The following HERC5 variants were observed in gnomAD, a reference collection of about 807,000 sequenced individuals.
HERC5 encodes HECT and RLD domain containing E3 ubiquitin protein ligase 5, also known as E3 ISG15--protein ligase HERC5.
Under a neutral mutation model 119.6 loss-of-function variants are expected in HERC5, and 99 were observed. The observed-to-expected ratio is 0.83, with a 90% CI of 0.70 to 0.98. HERC5 has a LOEUF of 0.98. Ranked by LOEUF, HERC5 falls within the 50% of genes least tolerant of loss-of-function variation. The pLI is 0.00. For synonymous variants in HERC5, 478 were observed against 445.9 expected, an observed-to-expected ratio of 1.07 and a Z score of -0.91; for missense variants, 1,267 against 1,241.3, an observed-to-expected ratio of 1.02 and a Z score of -0.31.
chr4:88,497,158 G>A (rs1164695156), intron 18 of HERC5, among the ~76,000 whole-genome samples: 1 of 152,158 alleles, frequency 6.6e-6, no homozygotes, highest in East Asian at 1.9e-4. Flanking sequence ...ATGGACTAAG[G>A]GAAATTGCTA....
rs1268334717 is a variant in HERC5, at chr4:88,504,495, A to G, written c.2767A>G (p.Asn923Asp). 2.2e-5 allele frequency: 35 copies of G among 1,574,494 alleles called. No homozygotes were observed. Among genetic ancestry groups the G allele is most frequent in the Non-Finnish European group, 3.0e-5 (35 of 1,159,876 alleles). The change falls in exon 22 of 23, where the codon AAT becomes GAT. Residue 923 changes from asparagine to aspartate, a missense_variant and splice_region_variant. Around this residue, in one of 3 missense-constraint regions of HERC5, gnomAD observed 473 missense variants for 445.7 expected, o/e 1.06. Coordinates refer to ENST00000264350, the MANE Select transcript of HERC5 (RefSeq NM_016323.4). ...TDYDWKTFEK[N>D]ARYEPGYNSS... ...TAACTTTTTTTTGTATTTTCTCTAG[A>G]ATGCACGTTATGAACCAGGATATAA...
At chr4:88,493,955 T>C (rs905880821) in intron 17 of HERC5, among the ~76,000 whole-genome samples, 1 of 144,130 alleles carries the variant, frequency 6.9e-6, no homozygotes, top group Admixed American at 6.8e-5. Flanking sequence ...GCAAAAGTAA[T>C]TGCAGGTTTT....
chr4:88,476,082 T>G, intron 12 of HERC5, 52 bp downstream of exon 12: 1 of 1,445,736 alleles, frequency 6.9e-7, no homozygotes, highest in Non-Finnish European at 9.5e-7. Context: ...TGGAAAGACA[T>G]GTCTAGTAAA....
intron 17 of HERC5, 111 bp downstream of exon 17, chr4:88,493,266 T>C (rs1431844790): frequency 2.3e-6 from 2 of 888,446 alleles, no homozygotes; most frequent in South Asian, 2.1e-5. Context: ...AGTATTGATA[T>C]AATTATGGAG....
chr4:88,483,508 G>T (rs148757029), intron 13 of HERC5, among the ~76,000 whole-genome samples: 1 of 148,270 alleles, frequency 6.7e-6, no homozygotes, highest in Non-Finnish European at 1.5e-5. Flanking sequence ...CCACCACACC[G>T]GCTCTATAGG....
At chr4:88,476,678 T>G (rs1009430187) in intron 12 of HERC5, among the ~76,000 whole-genome samples, 1 of 152,114 alleles carries the variant, frequency 6.6e-6, no homozygotes, top group Non-Finnish European at 1.5e-5. Flanking sequence ...CTCAGCACTT[T>G]GGGAGGCTGA....
Position 88,493,027 on chromosome 4 carries a change from G to A in HERC5, c.2149G>A (p.Glu717Lys). 6.2e-7 allele frequency: 1 copy of A among 1,613,824 alleles called. No homozygotes were observed. The highest frequency in any genetic ancestry group is 8.5e-7 in the Non-Finnish European group (1 of 1,179,844). ...GTTTCCTCAGGTTTCATTTAGTGGA[G>A]AAATTGGGTATGACCTCGGAGGAGT... ...RKELWVSFSG[E>K]IGYDLGGVKK... Residue 717 changes from glutamate (E) to lysine (K), a missense_variant, in exon 17 of 23, where the codon GAA becomes AAA. Around this residue, in one of 3 missense-constraint regions of HERC5, gnomAD observed 473 missense variants for 445.7 expected, o/e 1.06. Coordinates refer to ENST00000264350, the MANE Select transcript of HERC5 (RefSeq NM_016323.4).
Position 88,462,174 on chromosome 4 carries a change from A to G in HERC5, c.506A>G (p.Gln169Arg). The G allele has an allele frequency of 6.2e-7, 1 of 1,614,182 alleles. No individual in the cohort carries two copies. The highest frequency in any genetic ancestry group is 8.5e-7 in the Non-Finnish European group (1 of 1,180,022). The change falls in exon 4 of 23, where the codon CAG (glutamine) becomes CGG (arginine). Residue 169 changes from glutamine (Q) to arginine (R), a missense_variant. By Grantham distance (43) the Gln-to-Arg change is conservative (BLOSUM62 1). This residue lies in a region of HERC5 where 777 missense variants were observed against 758.0 expected (regional missense o/e 1.03). Coordinates refer to ENST00000264350, the MANE Select transcript of HERC5 (RefSeq NM_016323.4). ...LFAWGQNLHG[Q>R]LGVGRKFPST... ...GCCTGGGGACAGAACCTGCATGGGCAGCTTGGAGTTGGAAGGAAATTTCCC... is the reference window on the plus strand; with the variant it reads ...GCCTGGGGACAGAACCTGCATGGGCGGCTTGGAGTTGGAAGGAAATTTCCC...
At chr4:88,493,182 T>C (rs1741699679) in intron 17 of HERC5, 27 bp downstream of exon 17, 1 of 1,610,306 alleles carries the variant, frequency 6.2e-7, no homozygotes, top group African/African-American at 1.3e-5. Flanking sequence ...TTGCTTAAGG[T>C]ATTTTGCGAC....
chr4:88,485,156 A>G lies in HERC5; in HGVS notation c.1738-959A>G, dbSNP rs535592976. ...TTCTAACAAGCTTTTGCCACTTACA[A>G]GGAGAATCACAAGAAATACTGAAGC... On this transcript the variant is annotated intron_variant, in intron 13 of 22. Transcript: ENST00000264350. Among the ~76,000 whole-genome samples the G allele has an allele frequency of 8.0e-4, 122 of 152,334 alleles. 1 individual carries two copies. The highest frequency in any genetic ancestry group is 5.4e-4 in the Non-Finnish European group (37 of 68,028).
At chr4:88,504,138 A>G in intron 20 of HERC5, 94 bp from the exon 21 acceptor site, 2 of 758,576 alleles carry the variant, frequency 2.6e-6, no homozygotes, top group East Asian at 2.5e-5. Flanking sequence ...TAGGTACTCA[A>G]TAACTGTTAG....
At chr4:88,468,643 A>G (rs547534373) in intron 8 of HERC5, among the ~76,000 whole-genome samples, 1 of 152,216 alleles carries the variant, frequency 6.6e-6, no homozygotes, top group Non-Finnish European at 1.5e-5. Flanking sequence ...TGTGATTTCC[A>G]TAGGCTATAC....
At chr4:88,459,008 T>C (rs1740305460) in intron 1 of HERC5, among the ~76,000 whole-genome samples, 1 of 152,190 alleles carries the variant, frequency 6.6e-6, no homozygotes, top group Admixed American at 6.5e-5. Flanking sequence ...TAAAGTTATA[T>C]TTTCTTATAG....
chr4:88,493,061 A>G lies in HERC5; in HGVS notation c.2183A>G (p.Glu728Gly). ...IGYDLGGVKK[E>G]FFYCLFAEMI... is the part of the protein sequence containing the mutation. ...TATGACCTCGGAGGAGTCAAGAAAG[A>G]GTTCTTCTACTGTCTGTTTGCAGAG... Residue 728 changes from glutamate (E) to glycine (G), a missense_variant, in exon 17 of 23, where the codon GAG (glutamate) becomes GGG (glycine). Physicochemically the swap from Glu to Gly is moderately conservative, Grantham distance 98. This residue lies in a region of HERC5 where 473 missense variants were observed against 445.7 expected (regional missense o/e 1.06). Transcript: ENST00000264350. The G allele has an allele frequency of 1.2e-6, 2 of 1,614,002 alleles. No homozygotes were observed. The highest frequency in any genetic ancestry group is 8.5e-7 in the Non-Finnish European group (1 of 1,179,928).
chr4:88,482,922 C>T (rs1741328669), intron 13 of HERC5, among the ~76,000 whole-genome samples: 1 of 152,100 alleles, frequency 6.6e-6, no homozygotes, highest in African/African-American at 2.4e-5. Context: ...TGAGCCACTG[C>T]ACCTGGCCTG....
intron 13 of HERC5, among the ~76,000 whole-genome samples, chr4:88,484,547 A>G (rs1296339596): frequency 1.3e-5 from 2 of 152,198 alleles, no homozygotes; most frequent in Non-Finnish European, 2.9e-5. Flanking sequence ...CCTATAGGGG[A>G]TAATTTTTCC....
intron 1 of HERC5, among the ~76,000 whole-genome samples, chr4:88,458,558 T>G (rs965783218): frequency 6.6e-6 from 1 of 152,304 alleles, no homozygotes. Context: ...TGAGACTCTT[T>G]AAAAGAAACC....
chr4:88,457,887 C>G (rs997340302), intron 1 of HERC5: 3 of 1,055,984 alleles, frequency 2.8e-6, no homozygotes, highest in Non-Finnish European at 3.4e-6. Context: ...CCCACTGTCT[C>G]GTTTTGAGAA....
In HERC5 at chr4:88,470,686, ATAAAT is replaced by A. The variant is rs1055539450; in HGVS notation, c.1298+17_1298+21del. The A allele has an allele frequency of 6.7e-6, 8 of 1,186,188 alleles. No homozygotes were observed. The highest frequency in any genetic ancestry group is 1.0e-5 in the Non-Finnish European group (8 of 803,414). 73.5% of individuals were successfully genotyped at this position (1,186,188 alleles called of 1,614,324 possible). The stretch of plus-strand genomic sequence containing the variant: ...TTTTAAGGAAAAGGTAATATATGTA[ATAAAT>A]TAATTGTATTAAATTGTATTAAGAG... On this transcript the variant is annotated intron_variant, in intron 10 of 22. Transcript: ENST00000264350.
Sources: allele counts gnomAD v4.1 joint callset (sites outside exome capture counted in the v4.1 genomes callset), GRCh38; gene constraint gnomAD v4.1.1; regional missense constraint gnomAD v4.1.1; transcripts MANE v1.5; gene names NCBI Gene and HGNC (gene_info 2026-07-23, HGNC 2026-07-21).